The following ASTN2 variants were observed in gnomAD, a reference collection of about 807,000 sequenced individuals.
ASTN2 encodes the protein astrotactin-2.
Under a neutral mutation model 139.8 loss-of-function variants are expected in ASTN2, and 54 were observed. That is an observed-to-expected ratio of 0.39 (90% CI 0.31 to 0.48). ASTN2 has a LOEUF of 0.48. ASTN2 is among the 20% of genes least tolerant of loss of function. ASTN2 has a pLI of 0.95. For synonymous variants in ASTN2, 756 were observed against 719.5 expected (o/e 1.05, Z -0.81); for missense variants, 1,565 against 1,725.1 (o/e 0.91, Z 1.64).
At chr9:117,336,086 G>C (rs1393373497) in intron 1 of ASTN2, among the ~76,000 whole-genome samples, 13 of 149,220 alleles carry the variant, frequency 8.7e-5, no homozygotes, top group Admixed American at 2.7e-4. Context: ...AGGACCACCA[G>C]GCATACACAA....
In ASTN2 at chr9:117,039,983, C is replaced by T. The variant is rs1030834174; in HGVS notation, c.1277-18G>A. On this transcript the variant is annotated intron_variant, in intron 5 of 22. Coordinates refer to ENST00000313400, the MANE Select transcript of ASTN2 (RefSeq NM_001365068.1). ...CAGCAAACCTGGTAACAAGAACATA[C>T]ACAAAGACACAAAATTCCATGAGGT... is the stretch of plus-strand genomic sequence containing the variant. The T allele has an allele frequency of 1.2e-5, 19 of 1,586,466 alleles. No individual in the cohort carries two copies. Among genetic ancestry groups the T allele is most frequent in the Non-Finnish European group, 2.6e-6 (3 of 1,163,270 alleles).
chr9:116,523,821 C>A (rs1277314013), intron 19 of ASTN2, among the ~76,000 whole-genome samples: 1 of 152,108 alleles, frequency 6.6e-6, no homozygotes, highest in Non-Finnish European at 1.5e-5. Flanking sequence ...ATGGGCCTTA[C>A]TTCACAAATT....
intron 1 of ASTN2, among the ~76,000 whole-genome samples, chr9:117,370,709 CT>C (rs34032552): frequency 0.21 from 31,561 of 151,762 alleles, 3,720 homozygotes; most frequent in East Asian, 0.45. Context: ...ATGTCAAACT[CT>C]TTTTTTTCCC....
At chr9:117,299,780 G>A (rs970236024) in intron 1 of ASTN2, among the ~76,000 whole-genome samples, 1 of 152,144 alleles carries the variant, frequency 6.6e-6, no homozygotes, top group Non-Finnish European at 1.5e-5. Context: ...ATGACAAGGT[G>A]GATGGACTGA....
chr9:116,805,113 T>TGTGG (rs1830996265), intron 13 of ASTN2, among the ~76,000 whole-genome samples: 1 of 148,536 alleles, frequency 6.7e-6, no homozygotes, highest in African/African-American at 2.5e-5. Flanking sequence ...TTGGGGAGTG[T>TGTGG]GTGTGTGTGT....
chr9:117,116,179 C>T (rs145139143), intron 4 of ASTN2, among the ~76,000 whole-genome samples: 1 of 152,226 alleles, frequency 6.6e-6, no homozygotes, highest in Non-Finnish European at 1.5e-5. Context: ...CAGGGCCTCA[C>T]TCCTATCTCC....
At position 116,900,907 on chromosome 9, in the gene ASTN2, G is replaced by A. The variant is rs1057219431; in HGVS notation, c.1890-37174C>T. ...TTTATTTTTGCCATAAGCTTCTCCC[G>A]GCTTGCCAGCGGGTAAAACGTTTTA... On this transcript the variant is annotated intron_variant, in intron 10 of 22. Transcript: ENST00000313400. Among the ~76,000 whole-genome samples the A allele has an allele frequency of 8.6e-5, 13 of 151,926 alleles. No homozygotes were observed. In the East Asian group the frequency reaches 2.1e-3, roughly 25 times the overall value.
chr9:117,154,040 T>C (rs1468858589), intron 3 of ASTN2, among the ~76,000 whole-genome samples: 3 of 152,062 alleles, frequency 2.0e-5, no homozygotes, highest in Non-Finnish European at 4.4e-5. Context: ...TTTCCACCCA[T>C]CTTCTTTGAA....
At chr9:116,975,988 G>A in intron 9 of ASTN2, 126 bp downstream of exon 9, 1 of 830,830 alleles carries the variant, frequency 1.2e-6, no homozygotes, top group South Asian at 1.6e-5. Flanking sequence ...GCCAGGGAGA[G>A]TTCTTTTGTA....
chr9:117,346,159 A>G (rs1163006819), intron 1 of ASTN2, among the ~76,000 whole-genome samples: 1 of 152,134 alleles, frequency 6.6e-6, no homozygotes, highest in Non-Finnish European at 1.5e-5. Context: ...GATGAGACTC[A>G]CTTGTACTGA....
At chr9:117,170,142 A>G (rs980917780) in intron 3 of ASTN2, among the ~76,000 whole-genome samples, 3 of 152,274 alleles carry the variant, frequency 2.0e-5, no homozygotes, top group Admixed American at 2.0e-4. Context: ...TTAAATAGCA[A>G]GTATTTAATA....
At chr9:116,856,676 CTTG>C (rs112611958) in intron 11 of ASTN2, among the ~76,000 whole-genome samples, 3 of 152,214 alleles carry the variant, frequency 2.0e-5, no homozygotes, top group East Asian at 3.8e-4. Flanking sequence ...AAAGGCAGCT[CTTG>C]TTGTTGTCTC....
chr9:117,080,308 G>C (rs919199092), intron 5 of ASTN2, among the ~76,000 whole-genome samples: 2 of 152,012 alleles, frequency 1.3e-5, no homozygotes, highest in African/African-American at 4.8e-5. Flanking sequence ...CACTTATCTG[G>C]CTGTATAATA....
chr9:116,570,111 C>T (rs12343198), intron 19 of ASTN2, among the ~76,000 whole-genome samples: 7,074 of 152,210 alleles, frequency 0.046, 541 homozygotes, highest in African/African-American at 0.16. Flanking sequence ...GGTGGTTTCA[C>T]GTTTCTAGCC....
intron 13 of ASTN2, among the ~76,000 whole-genome samples, chr9:116,785,149 C>T (rs1365792584): frequency 1.3e-5 from 2 of 152,166 alleles, no homozygotes; most frequent in Admixed American, 6.5e-5. Context: ...GAACTGAATG[C>T]GTTTGGACAG....
At chr9:117,398,838 G>A (rs1342475875) in intron 1 of ASTN2, among the ~76,000 whole-genome samples, 2 of 152,198 alleles carry the variant, frequency 1.3e-5, no homozygotes, top group Non-Finnish European at 2.9e-5. Flanking sequence ...CTGGAATGCA[G>A]TGGCACGATC....
chr9:116,643,226 T>C (rs567183170), intron 17 of ASTN2, among the ~76,000 whole-genome samples: 1 of 152,312 alleles, frequency 6.6e-6, no homozygotes, highest in South Asian at 2.1e-4. Flanking sequence ...TTTATTCTTC[T>C]ATTCTTCTAT....
At chr9:117,046,770 TCTC>T (rs1224776727) in intron 5 of ASTN2, among the ~76,000 whole-genome samples, 1 of 152,200 alleles carries the variant, frequency 6.6e-6, no homozygotes, top group Non-Finnish European at 1.5e-5. Flanking sequence ...TATTTTATGC[TCTC>T]CTATTTCCAG....
At chr9:116,660,218 A>G (rs1041669487) in intron 16 of ASTN2, among the ~76,000 whole-genome samples, 1 of 150,964 alleles carries the variant, frequency 6.6e-6, no homozygotes, top group Non-Finnish European at 1.5e-5. Context: ...GGGGAATGGA[A>G]AGAAAAGCAA....
Sources: allele counts gnomAD v4.1 joint callset (sites outside exome capture counted in the v4.1 genomes callset), GRCh38; gene constraint gnomAD v4.1.1; transcripts MANE v1.5; gene names NCBI Gene and HGNC (gene_info 2026-07-23, HGNC 2026-07-21).